The following HSD17B6 variants were observed in gnomAD, a reference collection of about 807,000 sequenced individuals.
The protein encoded by HSD17B6 is hydroxysteroid 17-beta dehydrogenase 6.
A neutral mutation model predicts 26.4 loss-of-function variants in HSD17B6; 16 were observed. That is an observed-to-expected ratio of 0.61 (90% CI 0.41 to 0.92). HSD17B6 has a LOEUF of 0.92. Ranked by LOEUF, HSD17B6 falls within the 40% of genes least tolerant of loss-of-function variation. HSD17B6 has a pLI of 0.00. For missense variants in HSD17B6, 357 were observed against 386.1 expected (o/e 0.92, Z 0.63); for synonymous variants, 139 against 153.0 (o/e 0.91, Z 0.68).
chr12:56,787,274 T>G lies in HSD17B6; in HGVS notation c.886T>G (p.Tyr296Asp). 1 of 1,614,206 alleles carries G rather than the reference T, an allele frequency of 6.2e-7. No homozygotes were observed. Among genetic ancestry groups the G allele is most frequent in the Non-Finnish European group, 8.5e-7 (1 of 1,180,016 alleles). ...TAAATTTTTCTTCATCCCTCTATCT[T>G]ATTTACCTACATCACTGGCAGACTA... is the stretch of plus-strand genomic sequence containing the variant. ...DAKFFFIPLS[Y>D]LPTSLADYIL... Residue 296 changes from tyrosine (Y) to aspartate (D), a missense_variant, in exon 5 of 5, where the codon TAT becomes GAT. By Grantham distance (160) the Tyr-to-Asp change is radical. Transcript: ENST00000322165.
chr12:56,783,708 C>A (rs1313508971), intron 3 of HSD17B6, among the ~76,000 whole-genome samples: 2 of 147,408 alleles, frequency 1.4e-5, no homozygotes, highest in South Asian at 2.1e-4. Flanking sequence ...CCTCACCTCC[C>A]TCCCGGACGG....
chr12:56,763,996 G>T (rs1426509345), intron 1 of HSD17B6, among the ~76,000 whole-genome samples: 1 of 139,964 alleles, frequency 7.1e-6, no homozygotes, highest in East Asian at 2.1e-4. Context: ...CTGAGCCCAG[G>T]AGGTCGAGGC....
At chr12:56,779,024 G>A (rs939562649) in intron 2 of HSD17B6, among the ~76,000 whole-genome samples, 3 of 151,814 alleles carry the variant, frequency 2.0e-5, no homozygotes, top group African/African-American at 7.3e-5. Flanking sequence ...CTGTGTCTCT[G>A]TATTTTATGT....
At chr12:56,780,654 C>G (rs866128481) in intron 2 of HSD17B6, among the ~76,000 whole-genome samples, 1 of 151,730 alleles carries the variant, frequency 6.6e-6, no homozygotes, top group Non-Finnish European at 1.5e-5. Context: ...GTCAGGAGAT[C>G]GAGACCATCC....
chr12:56,774,242 C>G, intron 2 of HSD17B6, 77 bp downstream of exon 2: 1 of 1,353,990 alleles, frequency 7.4e-7, no homozygotes, highest in Non-Finnish European at 1.0e-6. Flanking sequence ...CTTGGTGTCT[C>G]CTGGGGATTG....
chr12:56,774,098 G>T lies in HSD17B6; in HGVS notation c.246G>T (p.Leu82=), dbSNP rs945965513. The T allele has an allele frequency of 2.5e-6, 4 of 1,611,752 alleles. No individual in the cohort carries two copies. The African/African-American group carries it at 5.3e-5, about 22-fold the overall frequency. ...QTSDRLETVT[L]DVTKMESIAA... ...CTGACAGGCTGGAGACGGTGACCCT[G>T]GATGTTACCAAGATGGAGAGCATCG... is the stretch of plus-strand genomic sequence containing the variant. The change falls in exon 2 of 5, where the codon CTG becomes CTT. Residue 82 remains leucine (L), a synonymous_variant. Coordinates refer to ENST00000322165, the MANE Select transcript of HSD17B6 (RefSeq NM_003725.4).
At chr12:56,763,634 G>A (rs1365794758) in intron 1 of HSD17B6, among the ~76,000 whole-genome samples, 1 of 152,044 alleles carries the variant, frequency 6.6e-6, no homozygotes, top group Non-Finnish European at 1.5e-5. Flanking sequence ...GTTTGGGAGA[G>A]TACTGGTTAC....
At position 56,787,261 on chromosome 12, in the gene HSD17B6, C is replaced by T; in HGVS notation, c.873C>T (p.Phe291=). Residue 291 remains phenylalanine (F), a synonymous_variant, in exon 5 of 5, where the codon TTC becomes TTT. Coordinates refer to ENST00000322165, the MANE Select transcript of HSD17B6 (RefSeq NM_003725.4). ...YSAGWDAKFF[F]IPLSYLPTSL... is the part of the protein sequence containing the mutation. ...CTGGCTGGGATGCTAAATTTTTCTTCATCCCTCTATCTTATTTACCTACAT... is the reference window on the plus strand; with the variant it reads ...CTGGCTGGGATGCTAAATTTTTCTTTATCCCTCTATCTTATTTACCTACAT... 1 of 1,614,134 alleles carries T rather than the reference C, an allele frequency of 6.2e-7. No individual in the cohort carries two copies. Among genetic ancestry groups the T allele is most frequent in the Non-Finnish European group, 8.5e-7 (1 of 1,179,980 alleles).
chr12:56,766,378 T>C (rs1954329582), intron 1 of HSD17B6, among the ~76,000 whole-genome samples: 1 of 152,214 alleles, frequency 6.6e-6, no homozygotes. Flanking sequence ...TGCTCTGTAC[T>C]TGCCATGTTC....
Position 56,782,106 on chromosome 12 carries a change from T to G in HSD17B6, c.446T>G (p.Leu149Arg). 1 of 1,614,220 alleles carries G rather than the reference T, an allele frequency of 6.2e-7. No homozygotes were observed. ...GTGATCCAGGTGACCTTGAGCATGC[T>G]TCCTTTGGTGAGGAGAGCACGGGGA... ...IGVIQVTLSM[L>R]PLVRRARGRI... is the part of the protein sequence containing the mutation. The change falls in exon 3 of 5, where the codon CTT (leucine) becomes CGT (arginine). Residue 149 changes from leucine (L) to arginine (R), a missense_variant. Physicochemically the swap from Leu to Arg is moderately radical, Grantham distance 102. Coordinates refer to ENST00000322165, the MANE Select transcript of HSD17B6 (RefSeq NM_003725.4).
intron 2 of HSD17B6, among the ~76,000 whole-genome samples, chr12:56,780,809 A>C (rs1954699958): frequency 7.0e-6 from 1 of 143,652 alleles, no homozygotes; most frequent in Non-Finnish European, 1.5e-5. Flanking sequence ...AGATCCCGCC[A>C]CTGCACTCCA....
intron 3 of HSD17B6, among the ~76,000 whole-genome samples, chr12:56,783,490 A>G (rs1226877385): frequency 1.7e-3 from 115 of 67,730 alleles, no homozygotes; most frequent in East Asian, 2.5e-3. Flanking sequence ...CCGGGCGGGG[A>G]GCTGAGCCCC....
chr12:56,779,801 C>T (rs567908758), intron 2 of HSD17B6, among the ~76,000 whole-genome samples: 5 of 134,274 alleles, frequency 3.7e-5, no homozygotes, highest in African/African-American at 5.7e-5. Context: ...CTCTTTTTAC[C>T]TTTTTTTTTT....
In HSD17B6 at chr12:56,769,644, GTTAA is replaced by G. The variant is rs541988699; in HGVS notation, c.-19-4187_-19-4184del. The stretch of plus-strand genomic sequence containing the variant: ...GAATTCTTATTTACCATAGCAGGAA[GTTAA>G]TTGAGAATGTCAAAAATTGGTAAAT... On this transcript the variant is annotated intron_variant, in intron 1 of 4. Transcript: ENST00000322165. 1.3e-3 allele frequency among the ~76,000 whole-genome samples: 201 copies of G among 152,342 alleles called. 2 individuals carry two copies. Among genetic ancestry groups the G allele is most frequent in the African/African-American group, 4.8e-3 (198 of 41,580 alleles).
At chr12:56,781,657 C>T (rs1592371982) in intron 2 of HSD17B6, among the ~76,000 whole-genome samples, 2 of 152,220 alleles carry the variant, frequency 1.3e-5, no homozygotes, top group South Asian at 2.1e-4. Flanking sequence ...CAAACATTGG[C>T]TGGGTGTGGT....
In HSD17B6 at chr12:56,787,158, G is replaced by C; in HGVS notation, c.770G>C (p.Cys257Ser). The C allele has an allele frequency of 6.2e-7, 1 of 1,614,152 alleles. No individual in the cohort carries two copies. The highest frequency in any genetic ancestry group is 8.5e-7 in the Non-Finnish European group (1 of 1,179,970). The change falls in exon 5 of 5, where the codon TGT becomes TCT. Residue 257 changes from cysteine to serine, a missense_variant. Coordinates refer to ENST00000322165, the MANE Select transcript of HSD17B6 (RefSeq NM_003725.4). ...YNIMKEGLLN[C>S]STNLNLVTDC... The stretch of plus-strand genomic sequence containing the variant: ...ATCATGAAGGAAGGGCTGTTGAATT[G>C]TAGCACAAACCTGAACCTGGTCACT...
chr12:56,784,487 C>T (rs1954829685), intron 3 of HSD17B6, among the ~76,000 whole-genome samples: 1 of 152,184 alleles, frequency 6.6e-6, no homozygotes. Flanking sequence ...CCGGCCCGGC[C>T]AACACAGTGA....
At position 56,774,123 on chromosome 12, in the gene HSD17B6, G is replaced by A. The variant is rs753743925; in HGVS notation, c.271G>A (p.Ala91Thr). The change falls in exon 2 of 5, where the codon GCT becomes ACT. Residue 91 changes from alanine (A) to threonine (T), a missense_variant. Physicochemically the swap from Ala to Thr is moderately conservative, Grantham distance 58. Coordinates refer to ENST00000322165, the MANE Select transcript of HSD17B6 (RefSeq NM_003725.4). ...GGATGTTACCAAGATGGAGAGCATC[G>A]CTGCAGCTACTCAGTGGGTGAAGGA... ...TLDVTKMESIAAATQWVKEHV... is the reference protein window; with the variant it reads ...TLDVTKMESITAATQWVKEHV... 1.2e-5 allele frequency: 19 copies of A among 1,599,440 alleles called. No homozygotes were observed. Among genetic ancestry groups the A allele is most frequent in the Admixed American group, 1.2e-4 (7 of 59,168 alleles).
chr12:56,771,688 C>T (rs986406524), intron 1 of HSD17B6, among the ~76,000 whole-genome samples: 3 of 152,132 alleles, frequency 2.0e-5, no homozygotes, highest in South Asian at 2.1e-4. Context: ...AAACTCCTGA[C>T]CTCAGGTGAT....
Sources: gnomAD v4.1 joint callset for allele counts (sites outside exome capture counted in the v4.1 genomes callset) on GRCh38, gnomAD v4.1.1 for gene constraint, MANE v1.5 for transcripts, NCBI Gene and HGNC (gene_info 2026-07-23, HGNC 2026-07-21) for gene names.